The following RRM2 variants were observed in gnomAD, a reference collection of about 807,000 sequenced individuals.
RRM2 encodes the protein ribonucleotide reductase regulatory subunit M2.
In RRM2, 6 loss-of-function variants were observed where a neutral mutation model predicts 45.9. That is an observed-to-expected ratio of 0.13 (90% CI 0.07 to 0.26). The LOEUF is 0.26. RRM2 is among the 10% of genes least tolerant of loss of function. The pLI is 1.00. For synonymous variants in RRM2, 177 were observed against 173.0 expected (o/e 1.02, Z -0.18); for missense variants, 343 against 489.5 (o/e 0.70, Z 2.82).
intron 3 of RRM2, among the ~76,000 whole-genome samples, chr2:10,180,398 C>A (rs888777914): frequency 4.6e-5 from 7 of 152,172 alleles, no homozygotes; most frequent in African/African-American, 1.7e-4. Flanking sequence ...AAATCTGTGA[C>A]CAAATGGTTA....
At chr2:10,137,488 G>C (rs1186401318), upstream of RRM2, among the ~76,000 whole-genome samples, 1 of 152,234 alleles carries the variant, frequency 6.6e-6, no homozygotes, top group Non-Finnish European at 1.5e-5. Flanking sequence ...CTGGGGCAAA[G>C]GGTGGGATCC....
intron 3 of RRM2, among the ~76,000 whole-genome samples, chr2:10,170,790 C>G (rs1016418780): frequency 3.9e-5 from 6 of 152,164 alleles, no homozygotes; most frequent in Non-Finnish European, 5.9e-5. Context: ...GGGCCTGTGT[C>G]CCGCACCCCC....
chr2:10,166,752 A>G (rs1453093584), intron 3 of RRM2, among the ~76,000 whole-genome samples: 2 of 152,148 alleles, frequency 1.3e-5, no homozygotes, highest in African/African-American at 4.8e-5. Flanking sequence ...GTGCCTTGTC[A>G]TCACATTCTA....
At position 10,171,393 on chromosome 2, in the gene RRM2, G is replaced by A. The variant is rs897836596; in HGVS notation, n.482+29018G>A. On this transcript the variant is annotated intron_variant and non_coding_transcript_variant, in intron 3 of 3. Transcript: ENST00000381786. The surrounding 1 kb of genome is among the most constrained non-coding windows in gnomAD (Gnocchi z 4.1). ...TGAGAAACTGTCGGGTTTGGCTGCTGCTGTTGTCTGCATCTCCCGCCTTCC... is the reference window on the plus strand; with the variant it reads ...TGAGAAACTGTCGGGTTTGGCTGCTACTGTTGTCTGCATCTCCCGCCTTCC... Among the ~76,000 whole-genome samples, 1 of 152,254 alleles carries A rather than the reference G, an allele frequency of 6.6e-6. No individual in the cohort carries two copies. The highest frequency in any genetic ancestry group is 2.4e-5 in the African/African-American group (1 of 41,470).
chr2:10,160,972 C>T (rs886256379), intron 3 of RRM2, among the ~76,000 whole-genome samples: 2 of 152,224 alleles, frequency 1.3e-5, no homozygotes, highest in African/African-American at 2.4e-5. Context: ...CCTAGCTGGT[C>T]GCTCCGTCCT....
intron 3 of RRM2, among the ~76,000 whole-genome samples, chr2:10,192,075 C>G (rs780047015): frequency 1.3e-5 from 2 of 151,276 alleles, no homozygotes; most frequent in Non-Finnish European, 2.9e-5. Flanking sequence ...GCTCAGAGGC[C>G]AGGGTGGGCG....
chr2:10,124,715 AGGT>A lies in RRM2; in HGVS notation c.437_439del (p.Val146del). 6.2e-7 allele frequency: 1 copy of A among 1,611,526 alleles called. No individual in the cohort carries two copies. The highest frequency in any genetic ancestry group is 8.5e-7 in the Non-Finnish European group (1 of 1,179,732). ...CTTAACTTTGATGTGTTTTGCCACT[AGGT>A]GGAGCGATTTAGCCAAGAAGTTCAG... On this transcript the variant is annotated splice_acceptor_variant and coding_sequence_variant, in exon 5 of 10. Coordinates refer to ENST00000304567, the MANE Select transcript of RRM2 (RefSeq NM_001034.4). LOFTEE classifies it high-confidence loss of function.
intron 3 of RRM2, among the ~76,000 whole-genome samples, chr2:10,154,765 G>A (rs1470926859): frequency 1.4e-5 from 2 of 138,446 alleles, no homozygotes; most frequent in East Asian, 2.1e-4. Flanking sequence ...GCGCGATCTC[G>A]GCTCACTGCA....
chr2:10,192,946 T>A (rs1163231583), intron 3 of RRM2, among the ~76,000 whole-genome samples: 1 of 152,220 alleles, frequency 6.6e-6, no homozygotes, highest in Non-Finnish European at 1.5e-5. Context: ...CCTTCTGCGC[T>A]GCAGTCTCCT....
chr2:10,147,014 G>A (rs1197015443), intron 3 of RRM2, among the ~76,000 whole-genome samples: 7 of 151,724 alleles, frequency 4.6e-5, no homozygotes, highest in Non-Finnish European at 8.8e-5. Context: ...GCGCAGTGGC[G>A]TGATCTTGGC....
intron 5 of RRM2, among the ~76,000 whole-genome samples, chr2:10,125,062 G>A (rs901719718): frequency 6.6e-6 from 1 of 152,182 alleles, no homozygotes; most frequent in African/African-American, 2.4e-5. Flanking sequence ...TTTTAAAGTT[G>A]GATGTCTACC....
chr2:10,141,843 C>T (rs1304371935), intron 1 of RRM2: 2 of 1,554,058 alleles, frequency 1.3e-6, no homozygotes, highest in Admixed American at 2.0e-5. Flanking sequence ...CTCCTGTATG[C>T]ACTGCTGCAG....
chr2:10,126,159 C>CT (rs1662773696), intron 5 of RRM2, among the ~76,000 whole-genome samples: 2 of 108,362 alleles, frequency 1.8e-5, no homozygotes. Context: ...ACCCTCATCT[C>CT]TTTAAAAAAA....
chr2:10,138,862 C>G (rs1305579509), upstream of RRM2, among the ~76,000 whole-genome samples: 2 of 152,108 alleles, frequency 1.3e-5, no homozygotes, highest in Non-Finnish European at 2.9e-5. Context: ...AATCCCAACA[C>G]TTTGGGAGGC....
chr2:10,172,807 G>C lies in RRM2; in HGVS notation n.482+30432G>C, dbSNP rs1028483971. On this transcript the variant is annotated intron_variant and non_coding_transcript_variant, in intron 3 of 3. Coordinates refer to the RRM2 transcript ENST00000381786. This position sits in a 1 kb window ranked among gnomAD's most constrained non-coding sequence, Gnocchi z 4.9. ...AAAAACAATGAAGAATTTCAAGATGGTGGCAGCAGAGCCTGAAACCGAGCT... is the reference window on the plus strand; with the variant it reads ...AAAAACAATGAAGAATTTCAAGATGCTGGCAGCAGAGCCTGAAACCGAGCT... 5.9e-5 allele frequency among the ~76,000 whole-genome samples: 9 copies of C among 152,220 alleles called. No individual in the cohort carries two copies. Among genetic ancestry groups the C allele is most frequent in the African/African-American group, 2.2e-4 (9 of 41,452 alleles).
chr2:10,176,935 T>G (rs1165751125), intron 3 of RRM2, among the ~76,000 whole-genome samples: 1 of 152,196 alleles, frequency 6.6e-6, no homozygotes, highest in East Asian at 1.9e-4. Context: ...TAGGTGTAAA[T>G]TTTGATGTCT....
intron 3 of RRM2, among the ~76,000 whole-genome samples, chr2:10,177,921 CT>C (rs1314547237): frequency 0.01 from 1,466 of 141,432 alleles, 20 homozygotes; most frequent in African/African-American, 0.028. Context: ...TGCGCTCAAG[CT>C]TTTTTTTTTT....
At chr2:10,187,423 T>C (rs1664192563) in intron 3 of RRM2, among the ~76,000 whole-genome samples, 1 of 152,202 alleles carries the variant, frequency 6.6e-6, no homozygotes, top group Non-Finnish European at 1.5e-5. Flanking sequence ...TGCAGGCACC[T>C]GGAAGGAGAA....
downstream of RRM2, among the ~76,000 whole-genome samples, chr2:10,134,427 G>A (rs1176787543): frequency 6.6e-6 from 1 of 152,098 alleles, no homozygotes; most frequent in Non-Finnish European, 1.5e-5. Flanking sequence ...AGTGACACGG[G>A]AACTAGACAA....
Sources: allele counts gnomAD v4.1 joint callset (sites outside exome capture counted in the v4.1 genomes callset), GRCh38; gene constraint gnomAD v4.1.1; non-coding constraint Gnocchi (gnomAD v3.1); transcripts MANE v1.5; gene names NCBI Gene and HGNC (gene_info 2026-07-23, HGNC 2026-07-21).